Variants in SP2 observed in about 807,000 individuals in gnomAD.
The protein encoded by SP2 is transcription factor Sp2.
Under a neutral mutation model 50.1 loss-of-function variants are expected in SP2, and 9 were observed. That is an observed-to-expected ratio of 0.18 (90% confidence interval 0.11 to 0.31). SP2 has a LOEUF of 0.31. Ranked by LOEUF, SP2 falls within the 10% of genes least tolerant of loss-of-function variation. SP2 has a pLI of 1.00. For synonymous variants in SP2, 313 were observed against 326.6 expected (o/e 0.96, Z 0.45); for missense variants, 581 against 806.5 (o/e 0.72, Z 3.39).
Position 47,916,010 on chromosome 17 carries a change from A to G in SP2, c.85-146A>G. On this transcript the variant is annotated intron_variant, in intron 2 of 6. Transcript: ENST00000376741. The surrounding 1 kb of genome is among the most constrained non-coding windows in gnomAD (Gnocchi z 4.7). ...CAGTAGAGAAGGGGAGACAGCAGCC[A>G]AGCAGGGGAGGGTACTGGCAACATG... is the stretch of plus-strand genomic sequence containing the variant. The G allele has an allele frequency of 2.2e-6, 2 of 901,370 alleles. No homozygotes were observed. Among genetic ancestry groups the G allele is most frequent in the Non-Finnish European group, 3.4e-6 (2 of 588,108 alleles). The allele number at this position is 901,370 out of a possible 1,614,324, so 55.8% of individuals were successfully genotyped here.
At chr17:47,908,870 A>G (rs1287201179) in intron 1 of SP2, among the ~76,000 whole-genome samples, 3 of 152,060 alleles carry the variant, frequency 2.0e-5, no homozygotes, top group Admixed American at 1.3e-4. Context: ...TAAAAATCTT[A>G]AAGATCATTT....
In SP2 at chr17:47,915,399, A is replaced by G. The variant is rs762618959; in HGVS notation, c.84+11A>G. 2 of 1,604,352 alleles carry G rather than the reference A, an allele frequency of 1.2e-6. No individual in the cohort carries two copies. Among genetic ancestry groups the G allele is most frequent in the Non-Finnish European group, 1.7e-6 (2 of 1,172,808 alleles). ...GCCTCCACCACCCAGGCGAGTAGGC[A>G]GTGGGCTCCGAGGGCTTGGGGCTGC... On this transcript the variant is annotated intron_variant, in intron 2 of 6. Transcript: ENST00000376741.
intron 3 of SP2, among the ~76,000 whole-genome samples, chr17:47,918,872 C>T (rs562588128): frequency 1.3e-5 from 2 of 152,310 alleles, no homozygotes; most frequent in East Asian, 1.9e-4. Flanking sequence ...AGTGCAGACA[C>T]GTCCATTTGT....
In SP2 at chr17:47,927,751, G is replaced by T; in HGVS notation, c.1769G>T (p.Cys590Phe). The change falls in exon 7 of 7, where the codon TGT becomes TTT. Residue 590 changes from cysteine (C) to phenylalanine (F), a missense_variant. Coordinates refer to ENST00000376741, the MANE Select transcript of SP2 (RefSeq NM_003110.6). ...GACAAACGCTTCGAGTGCGCCCAGTGTCAGAAGCGCTTCATGAGGAGTGAC... is the reference window on the plus strand; with the variant it reads ...GACAAACGCTTCGAGTGCGCCCAGTTTCAGAAGCGCTTCATGAGGAGTGAC... The part of the protein sequence containing the change: ...TGDKRFECAQ[C>F]QKRFMRSDHL... 6.3e-7 allele frequency: 1 copy of T among 1,593,260 alleles called. No individual in the cohort carries two copies. Among genetic ancestry groups the T allele is most frequent in the Non-Finnish European group, 8.6e-7 (1 of 1,169,432 alleles).
At chr17:47,929,708 G>A (rs79128707), downstream of SP2, 6 of 152,660 alleles carry the variant, frequency 3.9e-5, no homozygotes, top group East Asian at 1.2e-3. Flanking sequence ...ATTAAGATTG[G>A]AGCTAGCTCA....
At chr17:47,918,920 CAG>C (rs956497085) in intron 3 of SP2, among the ~76,000 whole-genome samples, 1 of 152,122 alleles carries the variant, frequency 6.6e-6, no homozygotes, top group Non-Finnish European at 1.5e-5. Flanking sequence ...AGTTAAGTAG[CAG>C]AGACAATATG....
chr17:47,914,354 A>G (rs1227576034), intron 1 of SP2, among the ~76,000 whole-genome samples: 1 of 151,786 alleles, frequency 6.6e-6, no homozygotes, highest in Non-Finnish European at 1.5e-5. Flanking sequence ...CTGGGCAACA[A>G]GAGTGAAACT....
At chr17:47,926,335 CAG>C in intron 6 of SP2, among the ~76,000 whole-genome samples, 1 of 144,186 alleles carries the variant, frequency 6.9e-6, no homozygotes, top group Non-Finnish European at 1.5e-5. Flanking sequence ...TTTTTTAAGA[CAG>C]GGTCTCACTC....
chr17:47,917,234 GAGTC>G (rs1333352337), intron 3 of SP2, 104 bp downstream of exon 3: 9 of 1,246,192 alleles, frequency 7.2e-6, no homozygotes, highest in Non-Finnish European at 1.0e-5. Flanking sequence ...CTGACCTTGA[GAGTC>G]AGTATCTTTT....
chr17:47,907,721 TCTGA>T, intron 1 of SP2, among the ~76,000 whole-genome samples: 1 of 152,316 alleles, frequency 6.6e-6, no homozygotes, highest in Non-Finnish European at 1.5e-5. Flanking sequence ...AAACAATTAT[TCTGA>T]CTAAGGGTCC....
Position 47,924,869 on chromosome 17 carries a change from G to C in SP2, c.1373-50G>C, listed in dbSNP as rs774430917. ...TGCAGAAGGGCAGAAGGGTTGACTC[G>C]AGGTTTCAGGCTTCCTCACCCTGAA... is the stretch of plus-strand genomic sequence containing the variant. On this transcript the variant is annotated intron_variant, in intron 4 of 6. Coordinates refer to ENST00000376741, the MANE Select transcript of SP2 (RefSeq NM_003110.6). 3.3e-6 allele frequency: 5 copies of C among 1,505,222 alleles called. No individual in the cohort carries two copies. In the East Asian group the frequency reaches 1.1e-4, roughly 34 times the overall value. 93.2% of individuals were successfully genotyped at this position (1,505,222 alleles called of 1,614,324 possible). A position where few individuals can be genotyped will look rare whatever the true frequency, so the allele number is the denominator to read the frequency against.
intron 1 of SP2, among the ~76,000 whole-genome samples, chr17:47,913,395 T>C (rs1463532231): frequency 1.3e-5 from 2 of 152,150 alleles, no homozygotes; most frequent in Non-Finnish European, 2.9e-5. Flanking sequence ...TTTTAGTCTT[T>C]AAAGTAATAC....
chr17:47,931,019 T>C (rs984969171), downstream of SP2, among the ~76,000 whole-genome samples: 2 of 152,122 alleles, frequency 1.3e-5, no homozygotes, highest in Non-Finnish European at 2.9e-5. Context: ...TTCCTTGCCC[T>C]TCCTTCAGAC....
chr17:47,915,293 A>C lies in SP2; in HGVS notation c.8-19A>C. 6.3e-7 allele frequency: 1 copy of C among 1,585,414 alleles called. No homozygotes were observed. ...TTTTGGGCATTTTATACATTACTCCATCTCTTTTCTTCCAACAGATCCACA... is the reference window on the plus strand; with the variant it reads ...TTTTGGGCATTTTATACATTACTCCCTCTCTTTTCTTCCAACAGATCCACA... On this transcript the variant is annotated intron_variant, in intron 1 of 6. Transcript: ENST00000376741.
intron 1 of SP2, among the ~76,000 whole-genome samples, chr17:47,908,255 C>A (rs564075751): frequency 1.1e-4 from 17 of 152,316 alleles, no homozygotes; most frequent in African/African-American, 4.1e-4. Context: ...GTAATAAGGA[C>A]TGCAGAGAGG....
chr17:47,903,404 G>A (rs1314863760), intron 1 of SP2, among the ~76,000 whole-genome samples: 1 of 152,124 alleles, frequency 6.6e-6, no homozygotes, highest in Non-Finnish European at 1.5e-5. Flanking sequence ...GGTGGCTCAC[G>A]CCTGTAATCC....
In SP2 at chr17:47,916,498, T is replaced by A; in HGVS notation, c.427T>A (p.Ser143Thr). 1 of 1,613,584 alleles carries A rather than the reference T, an allele frequency of 6.2e-7. No homozygotes were observed. Among genetic ancestry groups the A allele is most frequent in the Non-Finnish European group, 8.5e-7 (1 of 1,179,910 alleles). Residue 143 changes from serine (S) to threonine (T), a missense_variant, in exon 3 of 7, where the codon TCC becomes ACC. Coordinates refer to ENST00000376741, the MANE Select transcript of SP2 (RefSeq NM_003110.6). The surrounding 1 kb of genome is among the most constrained non-coding windows in gnomAD (Gnocchi z 4.7). ...GGTCCCTCAGATTCAGGCAAGCAAT[T>A]CCCAAACCATCCAAGTACAGCCCAA... is the stretch of plus-strand genomic sequence containing the variant. The part of the protein sequence containing the change: ...QAVPQIQASN[S>T]QTIQVQPNLT...
chr17:47,922,962 G>C lies in SP2; in HGVS notation c.1060G>C (p.Val354Leu). Residue 354 changes from valine to leucine, a missense_variant and splice_region_variant, in exon 4 of 7, where the codon GTC (valine) becomes CTC (leucine). By Grantham distance (32) the Val-to-Leu change is conservative. Coordinates refer to ENST00000376741, the MANE Select transcript of SP2 (RefSeq NM_003110.6). The stretch of plus-strand genomic sequence containing the variant: ...ATTTTTTTTCTCTGGCCCCTCCCAG[G>C]TCTACATCCGCACGCCTTCCGGTGA... ...IQAAEPTPTQ[V>L]YIRTPSGEVQ... The C allele has an allele frequency of 6.2e-7, 1 of 1,609,486 alleles. No individual in the cohort carries two copies. The highest frequency in any genetic ancestry group is 8.5e-7 in the Non-Finnish European group (1 of 1,176,382).
intron 3 of SP2, among the ~76,000 whole-genome samples, 162 bp downstream of exon 3, chr17:47,917,292 T>C (rs2035251954): frequency 6.6e-6 from 1 of 152,230 alleles, no homozygotes; most frequent in Non-Finnish European, 1.5e-5. Flanking sequence ...AAATGGGCTC[T>C]CTTTAGTTCA....
Sources: allele counts gnomAD v4.1 joint callset (sites outside exome capture counted in the v4.1 genomes callset), GRCh38; gene constraint gnomAD v4.1.1; non-coding constraint Gnocchi (gnomAD v3.1); transcripts MANE v1.5; gene names NCBI Gene and HGNC (gene_info 2026-07-23, HGNC 2026-07-21).